The following ENTREP2 variants were observed in gnomAD, a reference collection of about 807,000 sequenced individuals.
ENTREP2 encodes endosomal transmembrane epsin interactor 2.
At chr15:29,500,027 A>ATGGTC in the ENTREP2 span, among the ~76,000 whole-genome samples, 2 of 152,266 alleles carry the variant, frequency 1.3e-5, no homozygotes, top group African/African-American at 4.8e-5. Context: ...CACTAATAAA[A>ATGGTC]AGGTCAAGTC....
At chr15:29,480,773 T>C in the ENTREP2 span, among the ~76,000 whole-genome samples, 1 of 152,124 alleles carries the variant, frequency 6.6e-6, no homozygotes, top group South Asian at 2.1e-4. Context: ...CCCGGGCAAC[T>C]CTGACTTTCC....
At chr15:29,279,508 G>A in the ENTREP2 span, among the ~76,000 whole-genome samples, 1 of 151,990 alleles carries the variant, frequency 6.6e-6, no homozygotes, top group Non-Finnish European at 1.5e-5. Flanking sequence ...GGGACTACAT[G>A]CGCACGCCAC....
chr15:29,349,715 C>G, the ENTREP2 span, among the ~76,000 whole-genome samples: 1 of 151,982 alleles, frequency 6.6e-6, no homozygotes, highest in Non-Finnish European at 1.5e-5. Context: ...CTGGGCAACA[C>G]AGTGAAACCC....
chr15:29,238,594 C>T, the ENTREP2 span, among the ~76,000 whole-genome samples: 3 of 151,968 alleles, frequency 2.0e-5, no homozygotes, highest in Admixed American at 2.0e-4. Flanking sequence ...AAGATCATGC[C>T]ACTGCAGTCC....
chr15:29,415,113 A>G, the ENTREP2 span, among the ~76,000 whole-genome samples: 3 of 152,096 alleles, frequency 2.0e-5, no homozygotes, highest in South Asian at 6.2e-4. Context: ...AACTATTCCA[A>G]TCAACAGAAA....
At chr15:29,199,019 C>T in the ENTREP2 span, among the ~76,000 whole-genome samples, 1 of 152,154 alleles carries the variant, frequency 6.6e-6, no homozygotes, top group Non-Finnish European at 1.5e-5. Flanking sequence ...TGGATTGTTG[C>T]TAATTTTTTT....
chr15:29,518,021 G>A, the ENTREP2 span, among the ~76,000 whole-genome samples: 1 of 152,104 alleles, frequency 6.6e-6, no homozygotes, highest in Non-Finnish European at 1.5e-5. Context: ...AGGATGGGTT[G>A]AAGCCAGGAG....
At chr15:29,227,689 G>C in the ENTREP2 span, among the ~76,000 whole-genome samples, 1 of 152,170 alleles carries the variant, frequency 6.6e-6, no homozygotes, top group South Asian at 2.1e-4. Context: ...GATAGGAGGG[G>C]CTGAATACCT....
chr15:29,404,049 G>A, the ENTREP2 span, among the ~76,000 whole-genome samples: 1 of 152,142 alleles, frequency 6.6e-6, no homozygotes, highest in Non-Finnish European at 1.5e-5. Context: ...AGAGACTGGA[G>A]TGCAGAGCCC....
At chr15:29,124,117 A>G in the ENTREP2 span, among the ~76,000 whole-genome samples, 32,252 of 152,112 alleles carry the variant, frequency 0.21, 4,079 homozygotes, top group East Asian at 0.38. Context: ...GCAGGCAGCC[A>G]CCACTCAGTG....
chr15:29,167,050 C>T, the ENTREP2 span, among the ~76,000 whole-genome samples: 1 of 152,030 alleles, frequency 6.6e-6, no homozygotes, highest in Admixed American at 6.6e-5. Context: ...ACAAAGCAAA[C>T]ATTAACATAA....
the ENTREP2 span, among the ~76,000 whole-genome samples, chr15:29,161,037 C>A: frequency 3.3e-5 from 5 of 152,158 alleles, no homozygotes; most frequent in Non-Finnish European, 7.3e-5. Flanking sequence ...ACCATTTATT[C>A]TTTGTTGCCT....
the ENTREP2 span, among the ~76,000 whole-genome samples, chr15:29,245,966 G>A: frequency 2.0e-5 from 3 of 152,090 alleles, no homozygotes; most frequent in African/African-American, 7.2e-5. Flanking sequence ...TGCAGGGACG[G>A]TCTTAGTGAT....
the ENTREP2 span, among the ~76,000 whole-genome samples, chr15:29,564,619 T>C: frequency 1.3e-5 from 2 of 152,188 alleles, no homozygotes; most frequent in Non-Finnish European, 2.9e-5. Context: ...CTTTCCAGTT[T>C]TGCCAGTTGC....
the ENTREP2 span, among the ~76,000 whole-genome samples, chr15:29,359,470 T>C: frequency 6.6e-6 from 1 of 152,220 alleles, no homozygotes; most frequent in Non-Finnish European, 1.5e-5. Context: ...TGGAGCACAG[T>C]GGCATGATTT....
the ENTREP2 span, among the ~76,000 whole-genome samples, chr15:29,672,842 C>T: frequency 1.3e-5 from 2 of 152,036 alleles, no homozygotes; most frequent in African/African-American, 4.8e-5. Context: ...GGTCCCAATC[C>T]AGACACCAGG....
At chr15:29,658,654 A>G in the ENTREP2 span, among the ~76,000 whole-genome samples, 1 of 151,582 alleles carries the variant, frequency 6.6e-6, no homozygotes. Flanking sequence ...ATCAATAAAA[A>G]AAAACAATCT....
the ENTREP2 span, among the ~76,000 whole-genome samples, chr15:29,223,440 T>C: frequency 4.6e-4 from 70 of 152,296 alleles, no homozygotes; most frequent in Non-Finnish European, 5.3e-4. Context: ...ACACCTCTTC[T>C]GCTGTCATAT....
chr15:29,534,106 CAAAAAAAAAAAAA>C, the ENTREP2 span, among the ~76,000 whole-genome samples: 52 of 44,932 alleles, frequency 1.2e-3, no homozygotes, highest in Admixed American at 7.8e-3. Context: ...GCCCCTTGGC[CAAAAAAAAAAAAA>C]AAAAAAAAAA....
Sources: gnomAD v4.1 joint callset for allele counts (sites outside exome capture counted in the v4.1 genomes callset) on GRCh38, gnomAD v4.1.1 for gene constraint, MANE v1.5 for transcripts, NCBI Gene and HGNC (gene_info 2026-07-23, HGNC 2026-07-21) for gene names.